ADGRL2: variants seen among roughly 807,000 people sequenced by gnomAD.
ADGRL2 encodes the protein adhesion G protein-coupled receptor L2.
A neutral mutation model predicts 157.4 loss-of-function variants in ADGRL2; 44 were observed. That is an observed-to-expected ratio of 0.28 (90% CI 0.22 to 0.36). The LOEUF is 0.36. ADGRL2 is among the 10% of genes least tolerant of loss of function. The probability of loss-of-function intolerance (pLI) is 1.00; values close to 1 mark genes in which losing one functional copy is unlikely to be tolerated. For synonymous variants in ADGRL2, 585 were observed against 624.7 expected, an observed-to-expected ratio of 0.94 and a Z score of 0.95; for missense variants, 1,510 against 1,768.9, an observed-to-expected ratio of 0.85 and a Z score of 2.63.
intron 3 of ADGRL2, among the ~76,000 whole-genome samples, chr1:81,628,664 C>A (rs891008434): frequency 2.6e-5 from 4 of 152,140 alleles, no homozygotes; most frequent in Admixed American, 1.3e-4. Context: ...AGAATGCTTT[C>A]TTTACACCAT....
intron 2 of ADGRL2, among the ~76,000 whole-genome samples, chr1:81,474,940 GCCA>G (rs2078241815): frequency 6.6e-6 from 1 of 152,096 alleles, no homozygotes; most frequent in Non-Finnish European, 1.5e-5. Flanking sequence ...GATTTATGCT[GCCA>G]CCAGTATAGT....
In ADGRL2 at chr1:81,902,909, T is replaced by A. The variant is rs577228125; in HGVS notation, c.74-4108T>A. Among the ~76,000 whole-genome samples the A allele has an allele frequency of 3.3e-5, 5 of 152,338 alleles. No homozygotes were observed. The East Asian group carries it at 9.7e-4, about 29-fold the overall frequency. On this transcript the variant is annotated intron_variant, in intron 2 of 23. Transcript: ENST00000686636. ...ATTATTTTGACAGTACCTCACAATC[T>A]ATATGGATGTGCACAGCACATCCAT...
chr1:81,491,450 A>C (rs1328131633), intron 2 of ADGRL2, among the ~76,000 whole-genome samples: 1 of 152,132 alleles, frequency 6.6e-6, no homozygotes, highest in Admixed American at 6.6e-5. Context: ...TTCAAAAAAA[A>C]AGACTACTCA....
intron 3 of ADGRL2, among the ~76,000 whole-genome samples, chr1:81,581,874 G>GCGCA (rs1491219557): frequency 0.02 from 1,632 of 83,548 alleles, 9 homozygotes; most frequent in Non-Finnish European, 0.033. Flanking sequence ...ACACATGCGC[G>GCGCA]CACACACACA....
intron 3 of ADGRL2, among the ~76,000 whole-genome samples, chr1:81,627,904 C>G (rs1318974817): frequency 6.6e-6 from 1 of 152,134 alleles, no homozygotes. Flanking sequence ...TCCTGAGCAG[C>G]CAGGAGCCAT....
At chr1:81,941,130 T>C in intron 4 of ADGRL2, among the ~76,000 whole-genome samples, 1 of 151,090 alleles carries the variant, frequency 6.6e-6, no homozygotes, top group Non-Finnish European at 1.5e-5. Context: ...TCTTTCTTCC[T>C]TTTTCTCCTT....
chr1:81,857,429 A>G (rs1442811985), intron 2 of ADGRL2, among the ~76,000 whole-genome samples: 1 of 152,224 alleles, frequency 6.6e-6, no homozygotes, highest in African/African-American at 2.4e-5. Flanking sequence ...TCTACTGCAG[A>G]CAGCCAATTG....
intron 2 of ADGRL2, among the ~76,000 whole-genome samples, chr1:81,455,472 C>T (rs139348502): frequency 4.6e-5 from 7 of 152,244 alleles, no homozygotes; most frequent in South Asian, 4.1e-4. Context: ...AAGAATAAAA[C>T]GTACCAATGC....
chr1:81,308,576 A>T lies in ADGRL2; in HGVS notation c.-302+2067A>T, dbSNP rs911713365. Among the ~76,000 whole-genome samples the T allele has an allele frequency of 2.0e-5, 3 of 152,192 alleles. No individual in the cohort carries two copies. In the South Asian group the frequency reaches 6.2e-4, roughly 32 times the overall value. Reference sequence around the variant, plus strand: ...AAGTGGCCAAGGAGATCTTTTGGGGACAGAGAAAATGCAAACAATGAGACA... The same window carrying T: ...AAGTGGCCAAGGAGATCTTTTGGGGTCAGAGAAAATGCAAACAATGAGACA... On this transcript the variant is annotated intron_variant, in intron 1 of 24. Coordinates refer to the ADGRL2 transcript ENST00000370721.
chr1:81,885,697 A>G (rs571423287), intron 2 of ADGRL2, among the ~76,000 whole-genome samples: 42 of 152,328 alleles, frequency 2.8e-4, no homozygotes, highest in African/African-American at 9.9e-4. Context: ...GATCACAGCA[A>G]TTATGGCAGA....
At chr1:81,566,423 A>G (rs1445394498) in intron 2 of ADGRL2, among the ~76,000 whole-genome samples, 1 of 152,188 alleles carries the variant, frequency 6.6e-6, no homozygotes, top group Non-Finnish European at 1.5e-5. Flanking sequence ...GATGATTTAT[A>G]CTTGAATAAT....
At chr1:81,365,537 ATAAAGTGTGTTTCTTCCTTCT>A (rs1557630964) in intron 1 of ADGRL2, among the ~76,000 whole-genome samples, 1 of 152,200 alleles carries the variant, frequency 6.6e-6, no homozygotes. Flanking sequence ...ACTTAAAAAA[ATAAAGTGTGTTTCTTCCTTCT>A]TAAATCAAAA....
At chr1:81,978,769 A>G (rs983611062) in intron 17 of ADGRL2, among the ~76,000 whole-genome samples, 3 of 151,822 alleles carry the variant, frequency 2.0e-5, no homozygotes, top group Non-Finnish European at 4.4e-5. Context: ...TGACTCAGTA[A>G]AAATGATCAT....
chr1:81,569,984 C>T (rs2080649908), intron 2 of ADGRL2, among the ~76,000 whole-genome samples: 1 of 152,138 alleles, frequency 6.6e-6, no homozygotes, highest in South Asian at 2.1e-4. Context: ...AGCTCAGTTT[C>T]TTGCTCCATG....
rs550071464 is a variant in ADGRL2 at position 81,356,813 on chromosome 1, CGTG to C, written c.-302+50312_-302+50314del. Among the ~76,000 whole-genome samples the C allele has an allele frequency of 2.6e-3, 397 of 151,202 alleles. 1 individual carries two copies. The highest frequency in any genetic ancestry group is 9.2e-3 in the African/African-American group (380 of 41,138). ...CTAAAAATACAAAAAATTAGCCGAGCGTGGTGGTGGGAGCCTGTAGTCCCAGCT... is the reference window on the plus strand; with the variant it reads ...CTAAAAATACAAAAAATTAGCCGAGCGTGGTGGGAGCCTGTAGTCCCAGCT... On this transcript the variant is annotated intron_variant, in intron 1 of 24. Coordinates refer to the ADGRL2 transcript ENST00000370721.
intron 3 of ADGRL2, among the ~76,000 whole-genome samples, chr1:81,624,550 A>ACC (rs58742441): frequency 3.3e-5 from 5 of 150,406 alleles, no homozygotes; most frequent in African/African-American, 1.2e-4. Flanking sequence ...CCACTGCCCC[A>ACC]CCCCCCCCAA....
chr1:81,446,153 C>A (rs2101707230), intron 2 of ADGRL2, among the ~76,000 whole-genome samples: 1 of 152,130 alleles, frequency 6.6e-6, no homozygotes. Flanking sequence ...TCCCATTGCC[C>A]TTTGAATGAG....
chr1:81,970,260 G>T, intron 15 of ADGRL2, 54 bp from the exon 16 acceptor site: 1 of 1,163,598 alleles, frequency 8.6e-7, no homozygotes, highest in Admixed American at 1.7e-5. Context: ...TTTTGGAGTG[G>T]GCTATTTTTA....
chr1:81,586,854 A>G (rs984624300), intron 3 of ADGRL2, among the ~76,000 whole-genome samples: 4 of 152,100 alleles, frequency 2.6e-5, no homozygotes, highest in Non-Finnish European at 5.9e-5. Flanking sequence ...TCACCAAGCT[A>G]AAAGTTTATT....
Sources: gnomAD v4.1 joint callset for allele counts (sites outside exome capture counted in the v4.1 genomes callset) on GRCh38, gnomAD v4.1.1 for gene constraint, MANE v1.5 for transcripts, NCBI Gene and HGNC (gene_info 2026-07-23, HGNC 2026-07-21) for gene names.